Variants in CLDN16 observed in about 807,000 individuals in gnomAD.
CLDN16 encodes the protein claudin 16, also known as claudin-16.
Under a neutral mutation model 24.6 loss-of-function variants are expected in CLDN16, and 13 were observed. That is an observed-to-expected ratio of 0.53 (90% CI 0.34 to 0.84). The LOEUF is 0.84. CLDN16 is among the 40% of genes least tolerant of loss of function. CLDN16 has a pLI of 0.01. For synonymous variants in CLDN16, 116 were observed against 106.7 expected, an observed-to-expected ratio of 1.09 and a Z score of -0.54; for missense variants, 298 against 292.7, an observed-to-expected ratio of 1.02 and a Z score of -0.13.
intron 3 of CLDN16, among the ~76,000 whole-genome samples, chr3:190,379,975 G>GTCTATTTATCTATCTA (rs1553806905): frequency 3.2e-4 from 47 of 149,104 alleles, no homozygotes; most frequent in African/African-American, 8.9e-4. Context: ...TATCAACTCT[G>GTCTATTTATCTATCTA]TCTATCTATC....
chr3:190,379,870 C>T (rs1336524294), intron 3 of CLDN16, among the ~76,000 whole-genome samples: 1 of 152,054 alleles, frequency 6.6e-6, no homozygotes, highest in African/African-American at 2.4e-5. Flanking sequence ...TAATGAGTTT[C>T]CAGAGGCATT....
intron 1 of CLDN16, among the ~76,000 whole-genome samples, chr3:190,370,307 AAGAC>A (rs1217904367): frequency 2.0e-5 from 3 of 152,008 alleles, no homozygotes; most frequent in Non-Finnish European, 4.4e-5. Flanking sequence ...CTCTAAAAGA[AAGAC>A]AGTAAAGTAA....
chr3:190,333,387 A>C (rs1433093731), intron 1 of CLDN16, among the ~76,000 whole-genome samples: 2 of 152,166 alleles, frequency 1.3e-5, no homozygotes, highest in African/African-American at 4.8e-5. Context: ...TATGTTAACA[A>C]ATTACCCATT....
At chr3:190,376,201 A>G (rs1471788261) in intron 3 of CLDN16, among the ~76,000 whole-genome samples, 10 of 151,898 alleles carry the variant, frequency 6.6e-5, no homozygotes, top group East Asian at 5.8e-4. Context: ...ATTTGAGCAC[A>G]TAAGACTTTC....
Position 190,410,761 on chromosome 3 carries a change from T to C in CLDN16, c.*725T>C, listed in dbSNP as rs1184029948. The C allele has an allele frequency of 6.6e-6, 1 of 152,192 alleles. No individual in the cohort carries two copies. Among genetic ancestry groups the C allele is most frequent in the Non-Finnish European group, 1.5e-5 (1 of 68,074 alleles). 9.4% of individuals were successfully genotyped at this position (152,192 alleles called of 1,614,324 possible). On this transcript the variant is annotated 3_prime_UTR_variant, in exon 5 of 5. Transcript: ENST00000264734. The stretch of plus-strand genomic sequence containing the variant: ...GCTTTGCTGATATATTGCCAAATGA[T>C]TAGACTACAGAATAGTTCAACCAGA...
chr3:190,391,709 AG>A (rs1357407398), intron 1 of CLDN16, among the ~76,000 whole-genome samples: 1 of 152,198 alleles, frequency 6.6e-6, no homozygotes, highest in Non-Finnish European at 1.5e-5. Context: ...AGGCAGAAAA[AG>A]CTCAGATATT....
intron 1 of CLDN16, among the ~76,000 whole-genome samples, chr3:190,346,754 C>T (rs1342403755): frequency 1.3e-5 from 2 of 152,098 alleles, no homozygotes; most frequent in East Asian, 3.9e-4. Context: ...ACTCACAATC[C>T]CTGGTGTTGC....
chr3:190,363,596 A>ATATATATATATT (rs1460049752), intron 1 of CLDN16, among the ~76,000 whole-genome samples: 21 of 131,160 alleles, frequency 1.6e-4, no homozygotes, highest in Non-Finnish European at 9.8e-5. Flanking sequence ...ATATATATAT[A>ATATATATATATT]TTTTCTTTCT....
At chr3:190,371,500 A>G (rs1023933240) in intron 2 of CLDN16, among the ~76,000 whole-genome samples, 1 of 151,954 alleles carries the variant, frequency 6.6e-6, no homozygotes, top group African/African-American at 2.4e-5. Flanking sequence ...CCAATAGTCC[A>G]GGCAGAAGGA....
intron 3 of CLDN16, among the ~76,000 whole-genome samples, chr3:190,377,333 CT>C (rs565111412): frequency 5.3e-5 from 8 of 151,312 alleles, no homozygotes; most frequent in South Asian, 4.2e-4. Flanking sequence ...ATCCAAATAA[CT>C]TTTTTTTTCA....
At chr3:190,396,654 T>G (rs567524756) in intron 1 of CLDN16, among the ~76,000 whole-genome samples, 148 of 152,284 alleles carry the variant, frequency 9.7e-4, no homozygotes, top group Non-Finnish European at 1.9e-3. Flanking sequence ...ATAAATATAG[T>G]TTGAAGAATA....
At chr3:190,390,968 G>T (rs1718643084) in intron 1 of CLDN16, among the ~76,000 whole-genome samples, 1 of 151,732 alleles carries the variant, frequency 6.6e-6, no homozygotes, top group South Asian at 2.1e-4. Context: ...AAAATTTTTT[G>T]TAAGAACAAG....
chr3:190,305,165 A>G, the CLDN16 span, among the ~76,000 whole-genome samples: 1 of 152,190 alleles, frequency 6.6e-6, no homozygotes, highest in Non-Finnish European at 1.5e-5. Flanking sequence ...GAGACTCCAC[A>G]TTAGAGCTGC....
At chr3:190,347,230 A>G (rs1279223192) in intron 1 of CLDN16, among the ~76,000 whole-genome samples, 2 of 152,204 alleles carry the variant, frequency 1.3e-5, no homozygotes, top group Non-Finnish European at 2.9e-5. Flanking sequence ...ATTCTGATAA[A>G]TATTTTTAGA....
intron 1 of CLDN16, among the ~76,000 whole-genome samples, chr3:190,367,748 C>A (rs1718053917): frequency 6.6e-6 from 1 of 151,928 alleles, no homozygotes; most frequent in South Asian, 2.1e-4. Context: ...ATGTTTTATG[C>A]ACTTTTGGCT....
intron 1 of CLDN16, among the ~76,000 whole-genome samples, chr3:190,368,471 T>C (rs1718069100): frequency 6.6e-6 from 1 of 151,936 alleles, no homozygotes; most frequent in African/African-American, 2.4e-5. Flanking sequence ...ATAGAAATGT[T>C]TGTTGTTTTA....
At chr3:190,408,270 A>G in intron 3 of CLDN16, 44 bp from the exon 4 acceptor site, 1 of 1,575,762 alleles carries the variant, frequency 6.3e-7, no homozygotes, top group Non-Finnish European at 8.7e-7. Flanking sequence ...ATTTAAATTC[A>G]GAAAATGTCC....
intron 3 of CLDN16, chr3:190,374,645 T>C (rs1718210901): frequency 6.6e-6 from 1 of 151,960 alleles, no homozygotes; most frequent in Non-Finnish European, 1.5e-5. Context: ...CATCTAGACA[T>C]TAGCTTTCTA....
rs1007768932 is a variant in CLDN16, at chr3:190,411,017, C to T, written c.*981C>T. On this transcript the variant is annotated 3_prime_UTR_variant, in exon 5 of 5. Coordinates refer to ENST00000264734, the MANE Select transcript of CLDN16 (RefSeq NM_006580.4). ...GTAGCTCGCGTCTGTAATCCCCGCA[C>T]TTTGGGAGGCCAAGGCGGGTGGATC... is the stretch of plus-strand genomic sequence containing the variant. 6.6e-6 allele frequency: 1 copy of T among 152,188 alleles called. No individual in the cohort carries two copies. The highest frequency in any genetic ancestry group is 2.4e-5 in the African/African-American group (1 of 41,446). The allele number at this position is 152,188 out of a possible 1,614,324, so 9.4% of individuals were successfully genotyped here. A position where few individuals can be genotyped will look rare whatever the true frequency, so the allele number is the denominator to read the frequency against.
Sources: gnomAD v4.1 joint callset for allele counts (sites outside exome capture counted in the v4.1 genomes callset) on GRCh38, gnomAD v4.1.1 for gene constraint, MANE v1.5 for transcripts, NCBI Gene and HGNC (gene_info 2026-07-23, HGNC 2026-07-21) for gene names.